CDCA4: variants seen among roughly 807,000 people sequenced by gnomAD.
The protein encoded by CDCA4 is cell division cycle-associated protein 4.
For missense variants in CDCA4, 294 were observed against 322.1 expected (o/e 0.91, Z 0.67); for synonymous variants, 130 against 137.0 (o/e 0.95, Z 0.36).
chr14:105,018,754 T>A (rs34971388), intron 1 of CDCA4, among the ~76,000 whole-genome samples: 35,419 of 140,430 alleles, frequency 0.25, 6,298 homozygotes, highest in African/African-American at 0.51. Context: ...TTTTTTTTTT[T>A]AAGACAGAGT....
In CDCA4 at chr14:105,010,978, G is replaced by T; in HGVS notation, c.*226C>A. 1 of 586,760 alleles carries T rather than the reference G, an allele frequency of 1.7e-6. No individual in the cohort carries two copies. The highest frequency in any genetic ancestry group is 3.0e-6 in the Non-Finnish European group (1 of 335,816). The allele number at this position is 586,760 out of a possible 1,614,324, so 36.3% of individuals were successfully genotyped here. A position where few individuals can be genotyped will look rare whatever the true frequency, so the allele number is the denominator to read the frequency against. On this transcript the variant is annotated 3_prime_UTR_variant, in exon 2 of 2. Transcript: ENST00000336219. Reference sequence around the variant, plus strand: ...GCCCAGGGCTGTGGGGACGTCAGAAGACAAGAAGCCTTCCAGAACAGCCTC... The same window carrying T: ...GCCCAGGGCTGTGGGGACGTCAGAATACAAGAAGCCTTCCAGAACAGCCTC...
chr14:105,012,005 G>C (rs563877475), intron 1 of CDCA4, 70 bp from the exon 2 acceptor site: 2 of 1,518,678 alleles, frequency 1.3e-6, no homozygotes, highest in South Asian at 2.5e-5. Flanking sequence ...CTTGGATTTC[G>C]TCTGACTGCC....
chr14:105,011,107 G>A lies in CDCA4; in HGVS notation c.*97C>T. 6 of 1,393,516 alleles carry A rather than the reference G, an allele frequency of 4.3e-6. No homozygotes were observed. The South Asian group carries it at 5.8e-5, about 13-fold the overall frequency. 86.3% of individuals were successfully genotyped at this position (1,393,516 alleles called of 1,614,324 possible). A position where few individuals can be genotyped will look rare whatever the true frequency, so the allele number is the denominator to read the frequency against. Reference sequence around the variant, plus strand: ...TTTCTCAGAATCAGCAGACAGGGCAGCAAGGCTGGGCCGCTGGCGGCAGGC... The same window carrying A: ...TTTCTCAGAATCAGCAGACAGGGCAACAAGGCTGGGCCGCTGGCGGCAGGC... On this transcript the variant is annotated 3_prime_UTR_variant, in exon 2 of 2. Transcript: ENST00000336219.
intron 1 of CDCA4, among the ~76,000 whole-genome samples, chr14:105,014,355 A>G (rs1203066357): frequency 1.3e-5 from 2 of 152,140 alleles, no homozygotes. Flanking sequence ...CCTCCTGAAC[A>G]CTGCTCTGCA....
chr14:105,018,221 G>A (rs142761678), intron 1 of CDCA4, among the ~76,000 whole-genome samples: 4 of 150,694 alleles, frequency 2.7e-5, no homozygotes, highest in Non-Finnish European at 6.0e-5. Context: ...TACAAGGGAC[G>A]AGAGATAATC....
At position 105,011,299 on chromosome 14, in the gene CDCA4, C is replaced by T. The variant is rs770736104; in HGVS notation, c.631G>A (p.Glu211Lys). The T allele has an allele frequency of 5.6e-5, 91 of 1,613,928 alleles. No homozygotes were observed. The highest frequency in any genetic ancestry group is 5.2e-4 in the South Asian group (47 of 91,080). ...CCTGGGGTGGCCGGAGCCAAGCCCT[C>T]GAGCCCTTCGCAGGGGCCCGGCCTG... Reference protein sequence around the residue: ...GARPGPCEGLEGLAPATPGPS... With the variant: ...GARPGPCEGLKGLAPATPGPS... Residue 211 changes from glutamate to lysine, a missense_variant, in exon 2 of 2, where the codon GAG (glutamate) becomes AAG (lysine). By Grantham distance (56) the Glu-to-Lys change is moderately conservative. Coordinates refer to ENST00000336219, the MANE Select transcript of CDCA4 (RefSeq NM_017955.4).
At chr14:105,018,596 C>T (rs953656401) in intron 1 of CDCA4, among the ~76,000 whole-genome samples, 27 of 152,048 alleles carry the variant, frequency 1.8e-4, no homozygotes, top group Admixed American at 5.2e-4. Context: ...TAACCAGCCC[C>T]GAGGGATGCC....
chr14:105,012,820 T>C (rs1257594199), intron 1 of CDCA4, among the ~76,000 whole-genome samples: 2 of 152,132 alleles, frequency 1.3e-5, no homozygotes, highest in Admixed American at 1.3e-4. Context: ...CTCAGGTCAA[T>C]GCCCTCCACT....
At position 105,012,529 on chromosome 14, in the gene CDCA4, C is replaced by T. The variant is rs375572575; in HGVS notation, c.-6-594G>A. Among the ~76,000 whole-genome samples, 29 of 152,346 alleles carry T rather than the reference C, an allele frequency of 1.9e-4. 1 individual carries two copies. The highest frequency in any genetic ancestry group is 6.5e-4 in the Admixed American group (10 of 15,298). On this transcript the variant is annotated intron_variant, in intron 1 of 1. Coordinates refer to ENST00000336219, the MANE Select transcript of CDCA4 (RefSeq NM_017955.4). ...AAAGCCTCTATATGTCGCAGACAGC[C>T]GGGCTGGAAAGCTGTGCCACCAGGA...
intron 1 of CDCA4, among the ~76,000 whole-genome samples, chr14:105,014,990 G>A (rs1900606003): frequency 6.6e-6 from 1 of 152,162 alleles, no homozygotes; most frequent in Non-Finnish European, 1.5e-5. Flanking sequence ...GGGCCTACAG[G>A]AGGTCAGCAC....
At chr14:105,018,575 G>A (rs1252151237) in intron 1 of CDCA4, among the ~76,000 whole-genome samples, 1 of 152,088 alleles carries the variant, frequency 6.6e-6, no homozygotes, top group African/African-American at 2.4e-5. Context: ...AAGTCAGCAA[G>A]AGCATGGTCT....
intron 1 of CDCA4, among the ~76,000 whole-genome samples, chr14:105,017,554 G>A (rs1234496399): frequency 1.3e-5 from 2 of 151,594 alleles, no homozygotes; most frequent in Non-Finnish European, 2.9e-5. Context: ...TAAACAGCCC[G>A]GGCACAGTGG....
chr14:105,015,301 C>T (rs142746884), intron 1 of CDCA4, among the ~76,000 whole-genome samples: 1 of 102,686 alleles, frequency 9.7e-6, no homozygotes, highest in African/African-American at 2.9e-5. Context: ...GTCCTAAGGG[C>T]AGCACTAGCA....
In CDCA4 at chr14:105,011,842, A is replaced by G. The variant is rs1900512918; in HGVS notation, c.88T>C (p.Tyr30His). 6.2e-7 allele frequency: 1 copy of G among 1,613,930 alleles called. No individual in the cohort carries two copies. Residue 30 changes from tyrosine (Y) to histidine (H), a missense_variant, in exon 2 of 2, where the codon TAC becomes CAC. Transcript: ENST00000336219. Reference sequence around the variant, plus strand: ...AGGAGCGACTGCCGCTGCAGGCTGTATGAGGACACTGTCTTCAAGCCGGCC... The same window carrying G: ...AGGAGCGACTGCCGCTGCAGGCTGTGTGAGGACACTGTCTTCAAGCCGGCC... ...ALAGLKTVSS[Y>H]SLQRQSLLDM...
At chr14:105,011,990 C>A in intron 1 of CDCA4, 55 bp from the exon 2 acceptor site, 2 of 1,537,326 alleles carry the variant, frequency 1.3e-6, no homozygotes, top group Non-Finnish European at 1.7e-6. Flanking sequence ...CTGCGGACAG[C>A]GCCCCTTGGA....
chr14:105,013,318 C>CGGGGAGCTGGGAGGA (rs1349501250), intron 1 of CDCA4, among the ~76,000 whole-genome samples: 44 of 152,002 alleles, frequency 2.9e-4, no homozygotes, highest in African/African-American at 1.0e-3. Context: ...GTGCCGCCTG[C>CGGGGAGCTGGGAGGA]GGGGAGCTGG....
In CDCA4 at chr14:105,011,351, T is replaced by C. The variant is rs146185833; in HGVS notation, c.579A>G (p.Thr193=). Residue 193 remains threonine (T), a synonymous_variant, in exon 2 of 2, where the codon ACA becomes ACG. Transcript: ENST00000336219. Reference sequence around the variant, plus strand: ...CACCCCCCATCATGCCTGTCAGTACTGTGTCCAGGTCGTAGTAGGGGCTGT... The same window carrying C: ...CACCCCCCATCATGCCTGTCAGTACCGTGTCCAGGTCGTAGTAGGGGCTGT... ...DVDSPYYDLD[T]VLTGMMGGAR... The C allele has an allele frequency of 5.0e-6, 8 of 1,614,090 alleles. No individual in the cohort carries two copies. The African/African-American group carries it at 8.0e-5, about 16-fold the overall frequency.
Position 105,011,054 on chromosome 14 carries a change from G to T in CDCA4, c.*150C>A. ...TGAGTGGGACGGGCCTAGGGCTGCA[G>T]CCCCACTGGTAATGGGCTGTTCTGG... On this transcript the variant is annotated 3_prime_UTR_variant, in exon 2 of 2. Transcript: ENST00000336219. 2.1e-6 allele frequency: 2 copies of T among 951,030 alleles called. No homozygotes were observed. Among genetic ancestry groups the T allele is most frequent in the Non-Finnish European group, 3.0e-6 (2 of 657,016 alleles). The allele number at this position is 951,030 out of a possible 1,614,324, so 58.9% of individuals were successfully genotyped here.
chr14:105,012,746 G>GC (rs1313790939), intron 1 of CDCA4, among the ~76,000 whole-genome samples: 1 of 129,516 alleles, frequency 7.7e-6, no homozygotes, highest in East Asian at 2.2e-4. Flanking sequence ...CCCCCCACCC[G>GC]CCCCACCAGT....
Sources: allele counts gnomAD v4.1 joint callset (sites outside exome capture counted in the v4.1 genomes callset), GRCh38; gene constraint gnomAD v4.1.1; transcripts MANE v1.5; gene names NCBI Gene and HGNC (gene_info 2026-07-23, HGNC 2026-07-21).